Variants in PCDHA6 observed in about 807,000 individuals in gnomAD.
PCDHA6 encodes the protein protocadherin alpha-6.
PCDHA6 carries 55 observed loss-of-function variants against 60.3 expected under a neutral mutation model. The observed-to-expected ratio is 0.91, with a 90% CI of 0.73 to 1.14. PCDHA6 has a LOEUF of 1.14. PCDHA6 is among the 50% of genes most tolerant of loss of function. PCDHA6 has a pLI of 0.00. For synonymous variants in PCDHA6, 652 were observed against 557.9 expected (o/e 1.17, Z -2.38); for missense variants, 1,327 against 1,256.5 (o/e 1.06, Z -0.85).
intron 1 of PCDHA6, chr5:140,841,445 G>T: frequency 6.2e-7 from 1 of 1,612,934 alleles, no homozygotes; most frequent in South Asian, 1.1e-5. Context: ...GGCCAAACAC[G>T]GCACCTTCGT....
At chr5:140,921,958 A>G (rs155363) in intron 1 of PCDHA6, among the ~76,000 whole-genome samples, 87,659 of 151,706 alleles carry the variant, frequency 0.58, 26,267 homozygotes, top group African/African-American at 0.75. Flanking sequence ...AAATCCCAGA[A>G]AACCAAAGGA....
intron 1 of PCDHA6, among the ~76,000 whole-genome samples, chr5:140,838,898 G>A (rs1024702738): frequency 6.6e-6 from 1 of 151,748 alleles, no homozygotes; most frequent in Non-Finnish European, 1.5e-5. Context: ...CTAGGTGACA[G>A]AGCAATACCT....
In PCDHA6 at chr5:140,850,341, G is replaced by T. The variant is rs146727140; in HGVS notation, c.2394+19856G>T. 29 of 1,597,748 alleles carry T rather than the reference G, an allele frequency of 1.8e-5. 2 individuals are homozygous for T. The highest frequency in any genetic ancestry group is 2.4e-5 in the Non-Finnish European group (28 of 1,167,702). Reference sequence around the variant, plus strand: ...TTCATACGAGCTGCAGCCAGAAACGGCCAGCGCGAGCATCCCGTTCCGCGT... The same window carrying T: ...TTCATACGAGCTGCAGCCAGAAACGTCCAGCGCGAGCATCCCGTTCCGCGT... On this transcript the variant is annotated intron_variant, in intron 1 of 3. Transcript: ENST00000529310.
At chr5:140,884,706 C>T (rs1554181856) in intron 1 of PCDHA6, 3 of 1,489,002 alleles carry the variant, frequency 2.0e-6, no homozygotes, top group Non-Finnish European at 8.9e-7. Flanking sequence ...ACACTTTAGC[C>T]TTCCTTGCAG....
chr5:140,862,294 T>G, intron 1 of PCDHA6: 1 of 269,096 alleles, frequency 3.7e-6, no homozygotes, highest in Non-Finnish European at 7.3e-6. Context: ...AGGAGGACGC[T>G]CCACTGGGTA....
rs111233751 is a variant in PCDHA6, at chr5:140,887,119, C to T, written c.2394+56634C>T. On this transcript the variant is annotated intron_variant, in intron 1 of 3. Transcript: ENST00000529310. ...TTTATCTCTTTTTTTTTTTTTGAGA[C>T]GGAGTCTCACTCTGTCGCCCAGGCT... 6.0e-3 allele frequency among the ~76,000 whole-genome samples: 904 copies of T among 149,504 alleles called. 4 individuals are homozygous for T. The highest frequency in any genetic ancestry group is 0.014 in the Middle Eastern group (4 of 294).
intron 1 of PCDHA6, chr5:140,876,457 T>C: frequency 6.2e-7 from 1 of 1,614,008 alleles, no homozygotes; most frequent in Non-Finnish European, 8.5e-7. Flanking sequence ...AGGGATTCCT[T>C]CCATGGCAGG....
intron 1 of PCDHA6, among the ~76,000 whole-genome samples, chr5:140,943,863 G>T (rs2093580168): frequency 1.3e-5 from 2 of 152,186 alleles, no homozygotes; most frequent in Admixed American, 1.3e-4. Context: ...TCAAGAAGAG[G>T]TCTCTGAAGT....
intron 1 of PCDHA6, among the ~76,000 whole-genome samples, chr5:140,886,986 A>C (rs1246352877): frequency 6.6e-6 from 1 of 152,160 alleles, no homozygotes; most frequent in Non-Finnish European, 1.5e-5. Context: ...TGTAAATCCA[A>C]ATTTCCAGTT....
At chr5:140,926,737 C>T (rs2083513630) in intron 1 of PCDHA6, 3 of 1,153,842 alleles carry the variant, frequency 2.6e-6, no homozygotes, top group Non-Finnish European at 3.4e-6. Flanking sequence ...GTTCGGGAGG[C>T]GCAACGTCGG....
At chr5:141,000,950 T>C (rs781867970) in intron 3 of PCDHA6, among the ~76,000 whole-genome samples, 2 of 152,214 alleles carry the variant, frequency 1.3e-5, no homozygotes, top group Non-Finnish European at 2.9e-5. Flanking sequence ...ATTATCTTGC[T>C]GTAATTTAAG....
chr5:141,000,393 C>A (rs60881126), intron 3 of PCDHA6, among the ~76,000 whole-genome samples: 1,562 of 52,558 alleles, frequency 0.03, 14 homozygotes, highest in East Asian at 0.037. Context: ...CTCTCTCTCT[C>A]TCTATATATA....
At chr5:140,884,581 C>A in intron 1 of PCDHA6, 1 of 1,614,184 alleles carries the variant, frequency 6.2e-7, no homozygotes, top group African/African-American at 1.3e-5. Context: ...ACCTCATGGC[C>A]TTCAGTCCCA....
At chr5:140,945,200 A>G (rs2093757745) in intron 1 of PCDHA6, among the ~76,000 whole-genome samples, 1 of 152,168 alleles carries the variant, frequency 6.6e-6, no homozygotes, top group South Asian at 2.1e-4. Context: ...GCTATTTACA[A>G]TAGCTATGAG....
chr5:140,828,190 C>T lies in PCDHA6; in HGVS notation c.99C>T (p.Tyr33=). Residue 33 remains tyrosine, a synonymous_variant, in exon 1 of 4, where the codon TAC becomes TAT. Coordinates refer to ENST00000529310, the MANE Select transcript of PCDHA6 (RefSeq NM_018909.4). ...AGGTGGGGAGCGGCCAGCTCCACTA[C>T]TCCGTACCCGAGGAGGCCAAACACG... The part of the protein sequence containing the change: ...AWKVGSGQLH[Y]SVPEEAKHGT... 1 of 1,614,112 alleles carries T rather than the reference C, an allele frequency of 6.2e-7. No homozygotes were observed. Among genetic ancestry groups the T allele is most frequent in the Admixed American group, 1.7e-5 (1 of 60,028 alleles).
In PCDHA6 at chr5:140,982,576, G is replaced by C. The variant is rs782355791; in HGVS notation, c.2542+13G>C. ...AGTGCAACACCAGGTAAAGAGCTGG[G>C]GTCTCTCCATTCTTTCTTGGTTTCT... On this transcript the variant is annotated intron_variant, in intron 3 of 3. Transcript: ENST00000529310. 3.1e-6 allele frequency: 5 copies of C among 1,613,270 alleles called. 1 individual carries two copies. In the South Asian group the frequency reaches 5.5e-5, roughly 18 times the overall value.
At chr5:140,937,009 C>A (rs1409113092) in intron 1 of PCDHA6, among the ~76,000 whole-genome samples, 11 of 151,930 alleles carry the variant, frequency 7.2e-5, no homozygotes, top group African/African-American at 1.9e-4. Context: ...AGACAGACAA[C>A]CGATTAACAA....
chr5:140,871,413 C>A (rs2053063966), intron 1 of PCDHA6: 1 of 1,614,002 alleles, frequency 6.2e-7, no homozygotes, highest in East Asian at 2.2e-5. Flanking sequence ...ACCTCATGGC[C>A]TTCAGCCCCA....
intron 1 of PCDHA6, among the ~76,000 whole-genome samples, chr5:140,844,990 A>G (rs1313324994): frequency 6.7e-6 from 1 of 149,154 alleles, no homozygotes; most frequent in Non-Finnish European, 1.5e-5. Flanking sequence ...TAAATCTTTT[A>G]ATCACTTATG....
Sources: gnomAD v4.1 joint callset for allele counts (sites outside exome capture counted in the v4.1 genomes callset) on GRCh38, gnomAD v4.1.1 for gene constraint, MANE v1.5 for transcripts, NCBI Gene and HGNC (gene_info 2026-07-23, HGNC 2026-07-21) for gene names.